Variants in SEPTIN4 observed in about 807,000 individuals in gnomAD.
SEPTIN4 encodes septin-4.
SEPTIN4 carries 52 observed loss-of-function variants against 107.1 expected under a neutral mutation model. The ratio of observed to expected loss-of-function variants is 0.49; its 90% confidence interval spans 0.39 to 0.61. SEPTIN4 has a LOEUF of 0.61. Among genes scored for constraint, SEPTIN4 ranks in the 20% least tolerant of loss-of-function variants. The pLI is 0.00. For synonymous variants in SEPTIN4, 417 were observed against 467.0 expected (o/e 0.89, Z 1.38); for missense variants, 1,048 against 1,243.5 (o/e 0.84, Z 2.36).
chr17:58,527,059 G>A, intron 3 of SEPTIN4, 81 bp from the exon 4 acceptor site: 1 of 1,605,956 alleles, frequency 6.2e-7, no homozygotes, highest in African/African-American at 1.3e-5. Flanking sequence ...GGAGACAGAA[G>A]ACAGGAGAAG....
intron 3 of SEPTIN4, chr17:58,529,344 A>G: frequency 1.4e-6 from 2 of 1,479,954 alleles, no homozygotes; most frequent in Non-Finnish European, 1.8e-6. Flanking sequence ...AGGGGCCAAA[A>G]AAGCCTGTGG....
In SEPTIN4 at chr17:58,521,084, A is replaced by G. The variant is rs1239429707; in HGVS notation, c.2745T>C (p.Asp915=). 1 of 1,614,156 alleles carries G rather than the reference A, an allele frequency of 6.2e-7. No individual in the cohort carries two copies. The highest frequency in any genetic ancestry group is 1.7e-5 in the Admixed American group (1 of 60,014). The change falls in exon 12 of 14, where the codon GAT becomes GAC. Residue 915 remains aspartate, a synonymous_variant. Transcript: ENST00000672673. This position sits in a 1 kb window ranked among gnomAD's most constrained non-coding sequence, Gnocchi z 6.4. ...LVRTHMQDLK[D]VTRETHYENY... ...TCTCATAATGTGTCTCCCGTGTCAC[A>G]TCCTTCAGGTCCTGCATGTGGGTAC... is the stretch of plus-strand genomic sequence containing the variant.
intron 3 of SEPTIN4, among the ~76,000 whole-genome samples, chr17:58,533,729 G>C (rs12939703): frequency 0.23 from 34,283 of 152,070 alleles, 4,216 homozygotes; most frequent in South Asian, 0.33. Flanking sequence ...GCAGTTGGAA[G>C]TCTGCAGAAG....
In SEPTIN4 at chr17:58,521,536, T is replaced by C. The variant is rs576806469; in HGVS notation, c.2571+9A>G. On this transcript the variant is annotated intron_variant, in intron 10 of 13. Transcript: ENST00000672673. This position sits in a 1 kb window ranked among gnomAD's most constrained non-coding sequence, Gnocchi z 6.4. ...AAGATAGGAATGGGATGCCCTAGAG[T>C]GGCCCCACCTTTAGGGCTTGGTCCT... The C allele has an allele frequency of 1.9e-6, 3 of 1,612,892 alleles. No individual in the cohort carries two copies. The highest frequency in any genetic ancestry group is 2.2e-5 in the South Asian group (2 of 91,064).
At position 58,525,115 on chromosome 17, in the gene SEPTIN4, T is replaced by G. The variant is rs749432780; in HGVS notation, c.2179A>C (p.Thr727Pro). The part of the protein sequence containing the change: ...GVRLRLTIVD[T>P]PGFGDAVNNT... ...TTGACTGCATCCCCAAAACCTGGTG[T>G]GTCCACAATGGTGAGCCGCAGCCTC... The change falls in exon 7 of 14, where the codon ACA becomes CCA. Residue 727 changes from threonine (T) to proline (P), a missense_variant. Around this residue, in one of 2 missense-constraint regions of SEPTIN4, gnomAD observed 261 missense variants for 371.7 expected, o/e 0.70. Transcript: ENST00000672673. 6.2e-7 allele frequency: 1 copy of G among 1,614,232 alleles called. No homozygotes were observed. The highest frequency in any genetic ancestry group is 1.1e-5 in the South Asian group (1 of 91,086).
At chr17:58,532,797 A>G (rs1434707349) in intron 3 of SEPTIN4, among the ~76,000 whole-genome samples, 1 of 152,170 alleles carries the variant, frequency 6.6e-6, no homozygotes, top group African/African-American at 2.4e-5. Flanking sequence ...CAAGCAGGTG[A>G]GATGCCGAGG....
In SEPTIN4 at chr17:58,526,741, T is replaced by C; in HGVS notation, c.1852A>G (p.Ser618Gly). 6.2e-7 allele frequency: 1 copy of C among 1,611,622 alleles called. No homozygotes were observed. Among genetic ancestry groups the C allele is most frequent in the Non-Finnish European group, 8.5e-7 (1 of 1,179,122 alleles). ...QQYFCAPAPL[S>G]PSARPRSPWG... is the part of the protein sequence containing the mutation. ...GGGCTGCGGGGCCTGGCAGATGGGCTGAGAGGGGCTGGGGCACAGAAGTAC... is the reference window on the plus strand; with the variant it reads ...GGGCTGCGGGGCCTGGCAGATGGGCCGAGAGGGGCTGGGGCACAGAAGTAC... Residue 618 changes from serine to glycine, a missense_variant, in exon 4 of 14, where the codon AGC (serine) becomes GGC (glycine). Ser to Gly is a moderately conservative substitution (Grantham distance 56, BLOSUM62 0). Transcript: ENST00000672673.
intron 3 of SEPTIN4, chr17:58,532,088 A>T (rs2043524283): frequency 4.6e-6 from 5 of 1,080,942 alleles, no homozygotes; most frequent in Non-Finnish European, 4.5e-6. Flanking sequence ...CCGCTGCGGG[A>T]GGGGCCCGGC....
chr17:58,525,726 C>T lies in SEPTIN4; in HGVS notation c.2061G>A (p.Leu687=), dbSNP rs761957681. Residue 687 remains leucine (L), a synonymous_variant, in exon 6 of 14, where the codon CTG becomes CTA. Coordinates refer to ENST00000672673, the MANE Select transcript of SEPTIN4 (RefSeq NM_001368771.2). ...CACCAAGAAGTTTCCGGTCCCGGTA[C>T]AGATCAGTGAGGAAGAGGCTATTGA... is the stretch of plus-strand genomic sequence containing the variant. ...TLVNSLFLTD[L]YRDRKLLGAE... is the part of the protein sequence containing the mutation. 1.2e-5 allele frequency: 20 copies of T among 1,614,066 alleles called. No homozygotes were observed. The highest frequency in any genetic ancestry group is 1.4e-5 in the Non-Finnish European group (17 of 1,180,032).
In SEPTIN4 at chr17:58,521,126, C is replaced by T. The variant is rs1398095044; in HGVS notation, c.2703G>A (p.Leu901=). 4.3e-6 allele frequency: 7 copies of T among 1,614,194 alleles called. No homozygotes were observed. The highest frequency in any genetic ancestry group is 1.1e-5 in the South Asian group (1 of 91,084). The change falls in exon 12 of 14, where the codon CTG becomes CTA. Residue 901 remains leucine (L), a synonymous_variant. Coordinates refer to ENST00000672673, the MANE Select transcript of SEPTIN4 (RefSeq NM_001368771.2). This position sits in a 1 kb window ranked among gnomAD's most constrained non-coding sequence, Gnocchi z 6.4. ...ENPGHCDFVK[L]RTMLVRTHMQ... is the part of the protein sequence containing the mutation. Reference sequence around the variant, plus strand: ...TGTGGGTACGTACCAGCATTGTCCTCAGCTTCACAAAGTCGCAGTGCCCTG... The same window carrying T: ...TGTGGGTACGTACCAGCATTGTCCTTAGCTTCACAAAGTCGCAGTGCCCTG...
At position 58,543,171 on chromosome 17, in the gene SEPTIN4, G is replaced by A. The variant is rs1418535042; in HGVS notation, c.1016C>T (p.Pro339Leu). ...SEVGRRVTIS[P>L]GVQSVEPTHH... ...AGTTGGCTCTACTGACTGTACCCCT[G>A]GGGAGATGGTGACCCTGCGGCCAAC... The change falls in exon 1 of 14, where the codon CCA (proline) becomes CTA (leucine). Residue 339 changes from proline to leucine, a missense_variant. Pro to Leu is a moderately conservative substitution (Grantham distance 98). This residue lies in a region of SEPTIN4 where 787 missense variants were observed against 871.8 expected (regional missense o/e 0.90). Transcript: ENST00000672673. 1 of 1,613,844 alleles carries A rather than the reference G, an allele frequency of 6.2e-7. No homozygotes were observed. Among genetic ancestry groups the A allele is most frequent in the African/African-American group, 1.3e-5 (1 of 74,882 alleles).
At chr17:58,524,865 C>A (rs1030143495) in intron 7 of SEPTIN4, 4 of 590,996 alleles carry the variant, frequency 6.8e-6, no homozygotes, top group African/African-American at 1.9e-5. Flanking sequence ...AATCATAGGG[C>A]AGAATTGGAA....
chr17:58,528,146 G>T, intron 3 of SEPTIN4: 1 of 539,034 alleles, frequency 1.9e-6, no homozygotes, highest in Non-Finnish European at 2.4e-6. Context: ...GGTTAGCCAA[G>T]CCAGTGGGGA....
In SEPTIN4 at chr17:58,531,790, G is replaced by C. The variant is rs537749706; in HGVS notation, c.1615-4812C>G. On this transcript the variant is annotated intron_variant, in intron 3 of 13. Transcript: ENST00000672673. ...GAGGGAAAAACTTGGGAGCAGCGACGCACCGCCGCCCGGCAGCAGTGCCAG... is the reference window on the plus strand; with the variant it reads ...GAGGGAAAAACTTGGGAGCAGCGACCCACCGCCGCCCGGCAGCAGTGCCAG... The C allele has an allele frequency of 6.9e-4, 377 of 549,402 alleles. No individual in the cohort carries two copies. The African/African-American group carries it at 7.0e-3, about 10-fold the overall frequency. 34.0% of individuals were successfully genotyped at this position (549,402 alleles called of 1,614,324 possible).
At chr17:58,534,352 C>T (rs970730050) in intron 3 of SEPTIN4, among the ~76,000 whole-genome samples, 1 of 152,234 alleles carries the variant, frequency 6.6e-6, no homozygotes, top group South Asian at 2.1e-4. Flanking sequence ...GCTATTATCT[C>T]ACTGCCTGAA....
At position 58,520,962 on chromosome 17, in the gene SEPTIN4, T is replaced by C. The variant is rs201664248; in HGVS notation, c.2831+36A>G. Reference sequence around the variant, plus strand: ...CTCACCCAAGGCTAGGCTTGGGATCTCCCCCTGCCAGCTTTGTCCTGGCTT... The same window carrying C: ...CTCACCCAAGGCTAGGCTTGGGATCCCCCCCTGCCAGCTTTGTCCTGGCTT... On this transcript the variant is annotated intron_variant, in intron 12 of 13. Coordinates refer to ENST00000672673, the MANE Select transcript of SEPTIN4 (RefSeq NM_001368771.2). 3.3e-4 allele frequency: 535 copies of C among 1,612,494 alleles called. 1 individual carries two copies. In the African/African-American group the frequency reaches 6.3e-3, roughly 19 times the overall value.
In SEPTIN4 at chr17:58,543,002, T is replaced by C. The variant is rs2043923481; in HGVS notation, c.1185A>G (p.Glu395=). 1 of 1,612,112 alleles carries C rather than the reference T, an allele frequency of 6.2e-7. No homozygotes were observed. Among genetic ancestry groups the C allele is most frequent in the Non-Finnish European group, 8.5e-7 (1 of 1,179,238 alleles). The change falls in exon 1 of 14, where the codon GAA becomes GAG. Residue 395 remains glutamate, a synonymous_variant. Transcript: ENST00000672673. The stretch of plus-strand genomic sequence containing the variant: ...CATGGATGGAGGGCTTTTGCGAGAG[T>C]TCTGGATACCTGGGTGTAGGTCCTT... The part of the protein sequence containing the change: ...MSQGPTPRYP[E]LSQKPSIHAE...
Position 58,543,724 on chromosome 17 carries a change from A to G in SEPTIN4, c.463T>C (p.Ser155Pro). The change falls in exon 1 of 14, where the codon TCT becomes CCT. Residue 155 changes from serine to proline, a missense_variant. Ser to Pro is a moderately conservative substitution (Grantham distance 74). Coordinates refer to ENST00000672673, the MANE Select transcript of SEPTIN4 (RefSeq NM_001368771.2). The stretch of plus-strand genomic sequence containing the variant: ...TCTTGAAAACTCAACTGATGAGTAG[A>G]TTTGGCATCTGGGATTGATGAAGCA... ...HHASSIPDAK[S>P]THQLSFQDQK... is the part of the protein sequence containing the mutation. The G allele has an allele frequency of 6.2e-7, 1 of 1,614,104 alleles. No individual in the cohort carries two copies. Among genetic ancestry groups the G allele is most frequent in the Non-Finnish European group, 8.5e-7 (1 of 1,180,018 alleles).
chr17:58,541,135 T>TA (rs2043865937), intron 2 of SEPTIN4, among the ~76,000 whole-genome samples: 1 of 152,188 alleles, frequency 6.6e-6, no homozygotes, highest in East Asian at 1.9e-4. Context: ...TGACCATCAC[T>TA]AGGAGGGTTC....
Sources: gnomAD v4.1 joint callset for allele counts (sites outside exome capture counted in the v4.1 genomes callset) on GRCh38, gnomAD v4.1.1 for gene constraint, gnomAD v4.1.1 regional missense constraint, Gnocchi (gnomAD v3.1) non-coding constraint, MANE v1.5 for transcripts, NCBI Gene and HGNC (gene_info 2026-07-23, HGNC 2026-07-21) for gene names.